FAF1: variants seen among roughly 807,000 people sequenced by gnomAD.
The protein encoded by FAF1 is FAS-associated factor 1.
A neutral mutation model predicts 92.5 loss-of-function variants in FAF1; 25 were observed. That is an observed-to-expected ratio of 0.27 (90% CI 0.20 to 0.38). FAF1 has a LOEUF of 0.38. Among genes scored for constraint, FAF1 ranks in the 10% least tolerant of loss-of-function variants. FAF1 has a pLI of 1.00. For synonymous variants in FAF1, 234 were observed against 273.2 expected (o/e 0.86, Z 1.42); for missense variants, 636 against 793.3 (o/e 0.80, Z 2.38).
intron 15 of FAF1, among the ~76,000 whole-genome samples, chr1:50,529,737 T>C (rs1426053246): frequency 6.6e-6 from 1 of 152,190 alleles, no homozygotes; most frequent in Non-Finnish European, 1.5e-5. Flanking sequence ...TTCATCCACC[T>C]GATTAGTTGA....
intron 1 of FAF1, among the ~76,000 whole-genome samples, chr1:50,908,073 C>A (rs1644854676): frequency 6.6e-6 from 1 of 152,130 alleles, no homozygotes; most frequent in Non-Finnish European, 1.5e-5. Context: ...TATGTTGTGT[C>A]TTCGTTCTCA....
intron 18 of FAF1, chr1:50,452,301 G>A (rs1646303349): frequency 2.2e-6 from 1 of 460,122 alleles, no homozygotes; most frequent in Admixed American, 3.2e-5. Flanking sequence ...ATTCATAAGT[G>A]AAGATTCTGT....
At chr1:50,925,454 C>T (rs2124737964) in intron 1 of FAF1, among the ~76,000 whole-genome samples, 1 of 151,218 alleles carries the variant, frequency 6.6e-6, no homozygotes, top group Admixed American at 6.6e-5. Context: ...GGAATTCAAA[C>T]TTAGCACCAA....
intron 1 of FAF1, among the ~76,000 whole-genome samples, chr1:50,897,242 C>T (rs1018478980): frequency 6.6e-6 from 1 of 152,136 alleles, no homozygotes; most frequent in Non-Finnish European, 1.5e-5. Context: ...ATGAATAACT[C>T]CCCTCATATC....
At chr1:50,544,434 C>A (rs1418974911) in intron 13 of FAF1, among the ~76,000 whole-genome samples, 1 of 152,060 alleles carries the variant, frequency 6.6e-6, no homozygotes, top group Non-Finnish European at 1.5e-5. Flanking sequence ...TCCAACCCCA[C>A]CCCAGGTAAT....
At chr1:50,684,959 G>C (rs1057263707) in intron 7 of FAF1, among the ~76,000 whole-genome samples, 1 of 152,154 alleles carries the variant, frequency 6.6e-6, no homozygotes, top group Non-Finnish European at 1.5e-5. Context: ...TGTTGTATGA[G>C]GCACAATATC....
At chr1:50,908,503 G>A (rs534855629) in intron 1 of FAF1, among the ~76,000 whole-genome samples, 23 of 152,246 alleles carry the variant, frequency 1.5e-4, no homozygotes, top group African/African-American at 4.8e-4. Flanking sequence ...TTGTTTGGGC[G>A]TCTAAGTCTC....
At chr1:50,574,878 C>CATAT (rs1439773385) in intron 12 of FAF1, among the ~76,000 whole-genome samples, 2 of 140,214 alleles carry the variant, frequency 1.4e-5, no homozygotes, top group Non-Finnish European at 3.1e-5. Context: ...TGTGTTTAAG[C>CATAT]ATATAGAGTT....
intron 6 of FAF1, among the ~76,000 whole-genome samples, chr1:50,722,183 C>T (rs1317374470): frequency 6.6e-6 from 1 of 152,168 alleles, no homozygotes; most frequent in African/African-American, 2.4e-5. Context: ...AAACAACTTA[C>T]TGAGCATCTA....
intron 12 of FAF1, among the ~76,000 whole-genome samples, chr1:50,567,588 A>G (rs1417836020): frequency 1.3e-5 from 2 of 152,108 alleles, no homozygotes; most frequent in Admixed American, 6.5e-5. Context: ...GAGAAATATT[A>G]ACTTTGAACT....
chr1:50,657,727 A>G (rs1333517517), intron 7 of FAF1, among the ~76,000 whole-genome samples: 1 of 152,230 alleles, frequency 6.6e-6, no homozygotes. Context: ...TTACCATTCC[A>G]GTGAAATAGA....
At chr1:50,476,904 G>A (rs1646645356) in intron 17 of FAF1, among the ~76,000 whole-genome samples, 1 of 152,080 alleles carries the variant, frequency 6.6e-6, no homozygotes, top group African/African-American at 2.4e-5. Context: ...CTGGTTCTTT[G>A]GAGGTAATAA....
rs74080076 is a variant in FAF1 at position 50,778,271 on chromosome 1, A to G, written c.367+9729T>C. On this transcript the variant is annotated intron_variant, in intron 4 of 18. Coordinates refer to ENST00000396153, the MANE Select transcript of FAF1 (RefSeq NM_007051.3). ...GTTTCAGAGGGGAGATTAAATTGCT[A>G]GTAGGAGGAATGAGAGAGGCTTCTA... Among the ~76,000 whole-genome samples the G allele has an allele frequency of 7.7e-3, 1,175 of 152,310 alleles. 13 individuals are homozygous for G. The highest frequency in any genetic ancestry group is 0.027 in the African/African-American group (1,135 of 41,578).
intron 7 of FAF1, among the ~76,000 whole-genome samples, chr1:50,663,520 A>G (rs1324321598): frequency 6.7e-6 from 1 of 149,232 alleles, no homozygotes; most frequent in Non-Finnish European, 1.5e-5. Flanking sequence ...CTTCTGCCTC[A>G]GCCTCCCAAC....
chr1:50,756,998 C>T (rs1436488594), intron 4 of FAF1, among the ~76,000 whole-genome samples: 2 of 152,150 alleles, frequency 1.3e-5, no homozygotes, highest in Admixed American at 1.3e-4. Context: ...TCTACTTTCC[C>T]TTGTGATTTC....
At chr1:50,855,661 T>C (rs1026362800) in intron 2 of FAF1, among the ~76,000 whole-genome samples, 4 of 151,838 alleles carry the variant, frequency 2.6e-5, no homozygotes, top group African/African-American at 9.7e-5. Context: ...GTTTCATTTT[T>C]AAAAACAACA....
At chr1:50,728,385 A>C (rs1658751121) in intron 6 of FAF1, among the ~76,000 whole-genome samples, 1 of 152,230 alleles carries the variant, frequency 6.6e-6, no homozygotes, top group Non-Finnish European at 1.5e-5. Flanking sequence ...GCTATGAGCC[A>C]GAGGGACAGC....
intron 1 of FAF1, among the ~76,000 whole-genome samples, chr1:50,871,712 C>G (rs1195865188): frequency 6.6e-6 from 1 of 152,108 alleles, no homozygotes; most frequent in Non-Finnish European, 1.5e-5. Context: ...TACTCAAGAG[C>G]TCAGATAGAG....
chr1:50,854,030 A>C (rs1238856915), intron 2 of FAF1, among the ~76,000 whole-genome samples: 2 of 151,990 alleles, frequency 1.3e-5, no homozygotes, highest in Non-Finnish European at 2.9e-5. Flanking sequence ...AGTTAGAGAG[A>C]AGTAACTTAG....
Sources: allele counts gnomAD v4.1 joint callset (sites outside exome capture counted in the v4.1 genomes callset), GRCh38; gene constraint gnomAD v4.1.1; transcripts MANE v1.5; gene names NCBI Gene and HGNC (gene_info 2026-07-23, HGNC 2026-07-21).